CELSR1: variants seen among roughly 807,000 people sequenced by gnomAD.
CELSR1 encodes the protein cadherin EGF LAG seven-pass G-type receptor 1.
A neutral mutation model predicts 249.1 loss-of-function variants in CELSR1; 110 were observed. The observed-to-expected ratio is 0.44, with a 90% CI of 0.38 to 0.52. CELSR1 has a LOEUF of 0.52. Ranked by LOEUF, CELSR1 falls within the 20% of genes least tolerant of loss-of-function variation. The pLI, the probability that CELSR1 is intolerant of heterozygous loss-of-function variation, is 0.00. For synonymous variants in CELSR1, 2,113 were observed against 1,900.0 expected, an observed-to-expected ratio of 1.11 and a Z score of -2.92; for missense variants, 4,109 against 4,296.4, an observed-to-expected ratio of 0.96 and a Z score of 1.22.
rs2080437147 is a variant in CELSR1 at position 46,498,538 on chromosome 22, AG to A, written c.3545-34194del. ...TGAGGCAGGAGAGTCACTTGAATCC[AG>A]GAGGCGGAGGTTGTAGTGAGCTGAG... On this transcript the variant is annotated intron_variant, in intron 1 of 34. Transcript: ENST00000674500. Among the ~76,000 whole-genome samples the A allele has an allele frequency of 2.0e-5, 3 of 150,908 alleles. No individual in the cohort carries two copies. The South Asian group carries it at 6.4e-4, about 32-fold the overall frequency.
chr22:46,479,965 G>A (rs1375193085), intron 1 of CELSR1, among the ~76,000 whole-genome samples: 1 of 152,104 alleles, frequency 6.6e-6, no homozygotes, highest in Admixed American at 6.6e-5. Flanking sequence ...TTAATTCAGG[G>A]GCTAAGTAGG....
chr22:46,377,249 G>C lies in CELSR1; in HGVS notation c.7396C>G (p.Leu2466Val). The C allele has an allele frequency of 1.2e-6, 2 of 1,613,970 alleles. No individual in the cohort carries two copies. The highest frequency in any genetic ancestry group is 4.5e-5 in the East Asian group (2 of 44,894). Reference protein sequence around the residue: ...DISRRENGEVLPLKIVTYAAV... With the variant: ...DISRRENGEVVPLKIVTYAAV... The stretch of plus-strand genomic sequence containing the variant: ...GCATAGGTGACAATCTTCAGAGGCA[G>C]GACCTCCCCGTTCTATGGGCAGGAG... The change falls in exon 24 of 35, where the codon CTG (leucine) becomes GTG (valine). Residue 2466 changes from leucine (L) to valine (V), a missense_variant. Transcript: ENST00000674500.
intron 5 of CELSR1, among the ~76,000 whole-genome samples, chr22:46,426,754 C>A (rs1395138251): frequency 6.6e-6 from 1 of 152,142 alleles, no homozygotes; most frequent in Non-Finnish European, 1.5e-5. Flanking sequence ...GGATAAGGGC[C>A]TCAATAAAAG....
Position 46,533,993 on chromosome 22 carries a change from C to G in CELSR1, c.3178G>C (p.Val1060Leu). The stretch of plus-strand genomic sequence containing the variant: ...CGCCGGACCTCAAAGTCCAGCTCCA[C>G]CATGGCACGCAGGTCCCCGTTGAGC... The part of the protein sequence containing the change: ...DLLNGDLRAM[V>L]ELDFEVRREY... Residue 1060 changes from valine (V) to leucine (L), a missense_variant, in exon 1 of 35, where the codon GTG (valine) becomes CTG (leucine). Val to Leu is a conservative substitution (Grantham distance 32). This residue lies in a region of CELSR1 where 886 missense variants were observed against 896.5 expected (regional missense o/e 0.99). Coordinates refer to ENST00000674500, the MANE Select transcript of CELSR1 (RefSeq NM_001378328.1). 1 of 1,613,644 alleles carries G rather than the reference C, an allele frequency of 6.2e-7. No individual in the cohort carries two copies. Among genetic ancestry groups the G allele is most frequent in the South Asian group, 1.1e-5 (1 of 91,086 alleles).
chr22:46,391,315 C>T lies in CELSR1; in HGVS notation c.6149-28G>A. The T allele has an allele frequency of 6.3e-7, 1 of 1,596,496 alleles. No individual in the cohort carries two copies. Among genetic ancestry groups the T allele is most frequent in the Non-Finnish European group, 8.6e-7 (1 of 1,165,658 alleles). On this transcript the variant is annotated intron_variant, in intron 15 of 34. Coordinates refer to ENST00000674500, the MANE Select transcript of CELSR1 (RefSeq NM_001378328.1). The surrounding 1 kb of genome is among the most constrained non-coding windows in gnomAD (Gnocchi z 4.3). ...GGGGTAGAGAAGAGAGAAGTCTGCT[C>T]AGCGGGGCACGCCACACCCACGACC...
At position 46,533,612 on chromosome 22, in the gene CELSR1, C is replaced by T. The variant is rs1267998892; in HGVS notation, c.3544+15G>A. 1 of 1,537,888 alleles carries T rather than the reference C, an allele frequency of 6.5e-7. No homozygotes were observed. Among genetic ancestry groups the T allele is most frequent in the Non-Finnish European group, 8.7e-7 (1 of 1,147,154 alleles). On this transcript the variant is annotated intron_variant, in intron 1 of 34. Coordinates refer to ENST00000674500, the MANE Select transcript of CELSR1 (RefSeq NM_001378328.1). ...CCCATCAGGAGCTACTCCTCCCACCCCGACGGCCACTCACCAGACACAGAC... is the reference window on the plus strand; with the variant it reads ...CCCATCAGGAGCTACTCCTCCCACCTCGACGGCCACTCACCAGACACAGAC...
Position 46,391,204 on chromosome 22 carries a change from A to G in CELSR1, c.6232T>C (p.Cys2078Arg), listed in dbSNP as rs1004084936. The G allele has an allele frequency of 6.2e-7, 1 of 1,613,232 alleles. No individual in the cohort carries two copies. Among genetic ancestry groups the G allele is most frequent in the Non-Finnish European group, 8.5e-7 (1 of 1,179,932 alleles). ...TKFGQPAAVP[C>R]PKGSVGNAVR... ...GACTCACCAACGGATCCCTTAGGGCATGGCACCGCAGCCGGCTGCCCGAAC... is the reference window on the plus strand; with the variant it reads ...GACTCACCAACGGATCCCTTAGGGCGTGGCACCGCAGCCGGCTGCCCGAAC... Residue 2078 changes from cysteine to arginine, a missense_variant, in exon 16 of 35, where the codon TGC becomes CGC. Physicochemically the swap from Cys to Arg is radical, Grantham distance 180. Around this residue, in one of 7 missense-constraint regions of CELSR1, gnomAD observed 1,805 missense variants for 1,831.6 expected, o/e 0.99. Transcript: ENST00000674500. The surrounding 1 kb of genome is among the most constrained non-coding windows in gnomAD (Gnocchi z 4.3).
rs2080514348 is a variant in CELSR1 at position 46,506,278 on chromosome 22, A to T, written c.3544+27349T>A. ...ATGGACATGCAGAGCACCCGCCATGATCCCTCCAAGCCTGGCACCTCCACC... is the reference window on the plus strand; with the variant it reads ...ATGGACATGCAGAGCACCCGCCATGTTCCCTCCAAGCCTGGCACCTCCACC... On this transcript the variant is annotated intron_variant, in intron 1 of 34. Coordinates refer to ENST00000674500, the MANE Select transcript of CELSR1 (RefSeq NM_001378328.1). This position sits in a 1 kb window ranked among gnomAD's most constrained non-coding sequence, Gnocchi z 4.1. Among the ~76,000 whole-genome samples, 1 of 152,072 alleles carries T rather than the reference A, an allele frequency of 6.6e-6. No individual in the cohort carries two copies. The highest frequency in any genetic ancestry group is 2.4e-5 in the African/African-American group (1 of 41,378).
intron 1 of CELSR1, among the ~76,000 whole-genome samples, chr22:46,508,310 T>C (rs1445914916): frequency 1.5e-5 from 2 of 133,156 alleles, no homozygotes; most frequent in African/African-American, 5.5e-5. Context: ...CGGGAGGATT[T>C]GCCCCGGGAG....
At position 46,370,339 on chromosome 22, in the gene CELSR1, T is replaced by C. The variant is rs893623485; in HGVS notation, c.7760-535A>G. ...CATGTACATACCCTATACACATGCA[T>C]GCAGACACACATACCGTGTGCAGAC... is the stretch of plus-strand genomic sequence containing the variant. On this transcript the variant is annotated intron_variant, in intron 25 of 34. Transcript: ENST00000674500. The C allele has an allele frequency of 1.4e-5, 5 of 345,016 alleles. No homozygotes were observed. The Admixed American group carries it at 1.5e-4, about 11-fold the overall frequency. 21.4% of individuals were successfully genotyped at this position (345,016 alleles called of 1,614,324 possible). A position where few individuals can be genotyped will look rare whatever the true frequency, so the allele number is the denominator to read the frequency against.
intron 5 of CELSR1, among the ~76,000 whole-genome samples, chr22:46,421,206 T>TG (rs746881588): frequency 3.6e-5 from 5 of 138,986 alleles, no homozygotes; most frequent in African/African-American, 8.7e-5. Context: ...GCCGAGGTGC[T>TG]GGGGGGGTAG....
Position 46,409,746 on chromosome 22 carries a change from G to A in CELSR1, c.5059+9C>T, listed in dbSNP as rs145584601. ...GTGACCGGGGGGATGGACGACGCCG[G>A]CCACTCACCTTGCTCACAGTTCTTC... On this transcript the variant is annotated intron_variant, in intron 8 of 34. Transcript: ENST00000674500. The surrounding 1 kb of genome is among the most constrained non-coding windows in gnomAD (Gnocchi z 9.8). 2.8e-3 allele frequency: 4,485 copies of A among 1,612,316 alleles called. 101 individuals carry two copies. In the African/African-American group the frequency reaches 0.051, roughly 18 times the overall value.
chr22:46,400,806 G>A (rs570271099), intron 9 of CELSR1, among the ~76,000 whole-genome samples: 1 of 152,236 alleles, frequency 6.6e-6, no homozygotes, highest in South Asian at 2.1e-4. Flanking sequence ...ACAAAAATTA[G>A]CTGGGCATGG....
chr22:46,436,353 A>T lies in CELSR1; in HGVS notation c.4407-64T>A. On this transcript the variant is annotated intron_variant, in intron 3 of 34. Coordinates refer to ENST00000674500, the MANE Select transcript of CELSR1 (RefSeq NM_001378328.1). This position sits in a 1 kb window ranked among gnomAD's most constrained non-coding sequence, Gnocchi z 5.9. The stretch of plus-strand genomic sequence containing the variant: ...CCCAGGGTCCAAAGGCTGCCTAGGA[A>T]TGACAAGTCCAGCCGGAGGAGGGCA... The T allele has an allele frequency of 7.8e-7, 1 of 1,280,838 alleles. No individual in the cohort carries two copies. The highest frequency in any genetic ancestry group is 1.1e-6 in the Non-Finnish European group (1 of 886,258). The allele number at this position is 1,280,838 out of a possible 1,614,324, so 79.3% of individuals were successfully genotyped here. A position where few individuals can be genotyped will look rare whatever the true frequency, so the allele number is the denominator to read the frequency against.
chr22:46,373,912 C>G (rs1368115177), intron 24 of CELSR1, among the ~76,000 whole-genome samples: 1 of 152,194 alleles, frequency 6.6e-6, no homozygotes, highest in East Asian at 1.9e-4. Flanking sequence ...CCCGCCTCAA[C>G]CCCAGGCTTA....
Position 46,369,231 on chromosome 22 carries a change from C to G in CELSR1, c.7900G>C (p.Ala2634Pro). 6.2e-7 allele frequency: 1 copy of G among 1,613,924 alleles called. No individual in the cohort carries two copies. Among genetic ancestry groups the G allele is most frequent in the Non-Finnish European group, 8.5e-7 (1 of 1,179,952 alleles). ...TGCTTTCTTTGGCAGGAAACCTTTG[C>G]AGATAGGACAGAAGTGACTGTGTTG... ...IINTVTSVLS[A>P]KVSCQRKHHY... The change falls in exon 27 of 35, where the codon GCA (alanine) becomes CCA (proline). Residue 2634 changes from alanine (A) to proline (P), a missense_variant. This residue lies in a region of CELSR1 where 1,805 missense variants were observed against 1,831.6 expected (regional missense o/e 0.99). Transcript: ENST00000674500.
chr22:46,534,997 G>A lies in CELSR1; in HGVS notation c.2174C>T (p.Thr725Ile), dbSNP rs1172902508. The change falls in exon 1 of 35, where the codon ACA becomes ATA. Residue 725 changes from threonine (T) to isoleucine (I), a missense_variant. This residue lies in a region of CELSR1 where 886 missense variants were observed against 896.5 expected (regional missense o/e 0.99). Transcript: ENST00000674500. The surrounding 1 kb of genome is among the most constrained non-coding windows in gnomAD (Gnocchi z 9.7). ...DANSVITYQL[T>I]GGNTRNRFAL... is the part of the protein sequence containing the mutation. ...AAAGCGGTTCCGGGTGTTGCCGCCT[G>A]TGAGCTGGTAGGTAATCACACTGTT... 6.2e-7 allele frequency: 1 copy of A among 1,612,066 alleles called. No homozygotes were observed. Among genetic ancestry groups the A allele is most frequent in the African/African-American group, 1.3e-5 (1 of 75,032 alleles).
At chr22:46,453,970 GCCAAGGATGTGTGACC>G (rs1449065795) in intron 2 of CELSR1, among the ~76,000 whole-genome samples, 2 of 152,228 alleles carry the variant, frequency 1.3e-5, no homozygotes, top group Non-Finnish European at 2.9e-5. Flanking sequence ...ATCTCTGAAA[GCCAAGGATGTGTGACC>G]TCAAGGCCTA....
intron 1 of CELSR1, among the ~76,000 whole-genome samples, chr22:46,505,312 G>A (rs957335364): frequency 7.2e-6 from 1 of 137,934 alleles, no homozygotes; most frequent in East Asian, 2.5e-4. Flanking sequence ...TTGCTAGAAC[G>A]CAAGGTCTGC....
Sources: gnomAD v4.1 joint callset for allele counts (sites outside exome capture counted in the v4.1 genomes callset) on GRCh38, gnomAD v4.1.1 for gene constraint, gnomAD v4.1.1 regional missense constraint, Gnocchi (gnomAD v3.1) non-coding constraint, MANE v1.5 for transcripts, NCBI Gene and HGNC (gene_info 2026-07-23, HGNC 2026-07-21) for gene names.